DEFB116: variants seen among roughly 807,000 people sequenced by gnomAD.
The protein encoded by DEFB116 is defensin beta 116, also known as beta-defensin 116.
DEFB116 carries 5 observed loss-of-function variants against 2.8 expected under a neutral mutation model. The observed-to-expected ratio is 1.80, with a 90% CI of 0.94 to 3.79. DEFB116 has a LOEUF of 3.79. DEFB116 is among the 30% of genes most tolerant of loss of function. The pLI, the probability that DEFB116 is intolerant of heterozygous loss-of-function variation, is 0.00. For missense variants in DEFB116, 170 were observed against 118.0 expected (o/e 1.44, Z -2.04); for synonymous variants, 56 against 40.8 (o/e 1.37, Z -1.42).
rs769397185 is a variant in DEFB116, at chr20:31,308,469, A to AC, written c.67+49dup. Reference sequence around the variant, plus strand: ...GAGTCACTGCAGAGGTCACCAAGATACCAGTACCACATGCAAGACGCCAGA... The same window carrying AC: ...GAGTCACTGCAGAGGTCACCAAGATACCCAGTACCACATGCAAGACGCCAGA... On this transcript the variant is annotated intron_variant, in intron 1 of 1. Transcript: ENST00000400549. 3.1e-6 allele frequency: 5 copies of AC among 1,590,970 alleles called. No homozygotes were observed. In the Middle Eastern group the frequency reaches 5.0e-4, roughly 159 times the overall value.
chr20:31,304,043 G>A (rs1600468337), intron 1 of DEFB116, among the ~76,000 whole-genome samples: 2 of 152,206 alleles, frequency 1.3e-5, no homozygotes, highest in African/African-American at 4.8e-5. Flanking sequence ...TGCATACACA[G>A]GCAGCATACT....
intron 1 of DEFB116, among the ~76,000 whole-genome samples, chr20:31,306,094 T>A (rs1258315527): frequency 1.3e-5 from 2 of 152,042 alleles, no homozygotes; most frequent in East Asian, 1.9e-4. Context: ...AAAAATTCCA[T>A]CCCAAGCCAA....
At chr20:31,308,463 C>T (rs998461709) in intron 1 of DEFB116, 56 bp downstream of exon 1, 6 of 1,583,728 alleles carry the variant, frequency 3.8e-6, no homozygotes, top group African/African-American at 1.3e-5. Flanking sequence ...CAGAGGTCAC[C>T]AAGATACCAG....
intron 1 of DEFB116, among the ~76,000 whole-genome samples, chr20:31,305,503 T>G (rs1984973236): frequency 6.6e-6 from 1 of 152,140 alleles, no homozygotes; most frequent in African/African-American, 2.4e-5. Flanking sequence ...AATAAAGATT[T>G]TGTCATAGAT....
intron 1 of DEFB116, among the ~76,000 whole-genome samples, chr20:31,305,539 T>G (rs1303701885): frequency 6.6e-6 from 1 of 152,120 alleles, no homozygotes; most frequent in Non-Finnish European, 1.5e-5. Flanking sequence ...CTCCTACAGC[T>G]TTTCTAACCT....
chr20:31,303,674 A>G (rs1458503399), intron 1 of DEFB116, among the ~76,000 whole-genome samples: 1 of 152,164 alleles, frequency 6.6e-6, no homozygotes, highest in African/African-American at 2.4e-5. Context: ...AACAGGCAAA[A>G]TAATAGAGCC....
chr20:31,307,850 C>A (rs190489455), intron 1 of DEFB116, among the ~76,000 whole-genome samples: 1 of 151,972 alleles, frequency 6.6e-6, no homozygotes, highest in East Asian at 1.9e-4. Context: ...ACAACTCAAG[C>A]CCTACCTCTT....
At chr20:31,306,174 A>G (rs940003037) in intron 1 of DEFB116, among the ~76,000 whole-genome samples, 1 of 152,098 alleles carries the variant, frequency 6.6e-6, no homozygotes, top group African/African-American at 2.4e-5. Flanking sequence ...CCAATCTCTA[A>G]GGTTATTTCT....
At chr20:31,304,170 T>G (rs1453031641) in intron 1 of DEFB116, among the ~76,000 whole-genome samples, 4 of 152,092 alleles carry the variant, frequency 2.6e-5, no homozygotes, top group African/African-American at 9.7e-5. Flanking sequence ...CACATATTGC[T>G]AATTGCACCT....
In DEFB116 at chr20:31,304,734, C is replaced by A. The variant is rs146325500; in HGVS notation, c.68-1281G>T. On this transcript the variant is annotated intron_variant, in intron 1 of 1. Transcript: ENST00000400549. ...TCAAGGACCTTTTCAACCATCCCCC[C>A]ACTCCCTCATTCCACACCCATTTAT... Among the ~76,000 whole-genome samples the A allele has an allele frequency of 1.6e-3, 250 of 152,154 alleles. 2 individuals carry two copies. The highest frequency in any genetic ancestry group is 5.8e-3 in the African/African-American group (240 of 41,518).
intron 1 of DEFB116, 28 bp from the exon 2 acceptor site, chr20:31,303,481 T>C (rs758083247): frequency 1.9e-6 from 3 of 1,611,572 alleles, no homozygotes; most frequent in Non-Finnish European, 2.5e-6. Flanking sequence ...ATGTTTAGTT[T>C]CCATGCAGCA....
chr20:31,303,540 T>G, intron 1 of DEFB116, 87 bp from the exon 2 acceptor site: 1 of 1,510,982 alleles, frequency 6.6e-7, no homozygotes, highest in Non-Finnish European at 8.9e-7. Flanking sequence ...GCCCTAAGAC[T>G]ATTAAGGGCA....
chr20:31,306,263 A>G (rs1984988785), intron 1 of DEFB116, among the ~76,000 whole-genome samples: 1 of 152,180 alleles, frequency 6.6e-6, no homozygotes, highest in Admixed American at 6.6e-5. Flanking sequence ...ACTCTATTCA[A>G]CACACTCAGC....
chr20:31,308,422 G>A (rs909826816), intron 1 of DEFB116, 97 bp downstream of exon 1: 22 of 1,213,028 alleles, frequency 1.8e-5, no homozygotes, highest in African/African-American at 1.7e-4. Flanking sequence ...GGCTTTAGGT[G>A]TTGCCCACTA....
At chr20:31,305,663 A>T (rs1038919982) in intron 1 of DEFB116, among the ~76,000 whole-genome samples, 1 of 151,938 alleles carries the variant, frequency 6.6e-6, no homozygotes, top group Non-Finnish European at 1.5e-5. Context: ...ATTTCAGCAT[A>T]GTCTCTGGCC....
At chr20:31,305,742 C>T (rs565502799) in intron 1 of DEFB116, among the ~76,000 whole-genome samples, 5 of 152,060 alleles carry the variant, frequency 3.3e-5, no homozygotes, top group African/African-American at 1.2e-4. Flanking sequence ...GAATGGGAGA[C>T]TTTGCACCAA....
chr20:31,303,419 T>C lies in DEFB116; in HGVS notation c.102A>G (p.Arg34=). ...GLFRSHNGKS[R]EPWNPCELYQ... ...AAAGCTCACATGGATTCCAAGGCTC[T>C]CGGCTCTTGCCATTGTGGGATCTGA... The change falls in exon 2 of 2, where the codon CGA becomes CGG. Residue 34 remains arginine, a synonymous_variant. Transcript: ENST00000400549. The C allele has an allele frequency of 6.2e-7, 1 of 1,613,440 alleles. No individual in the cohort carries two copies. The highest frequency in any genetic ancestry group is 8.5e-7 in the Non-Finnish European group (1 of 1,179,542).
intron 1 of DEFB116, 62 bp from the exon 2 acceptor site, chr20:31,303,515 G>T: frequency 6.3e-7 from 1 of 1,587,740 alleles, no homozygotes. Flanking sequence ...GATGAAGCAT[G>T]ATTTAAAGGA....
At chr20:31,305,507 CATAG>C (rs1984973326) in intron 1 of DEFB116, among the ~76,000 whole-genome samples, 1 of 152,228 alleles carries the variant, frequency 6.6e-6, no homozygotes, top group African/African-American at 2.4e-5. Flanking sequence ...AAGATTTTGT[CATAG>C]ATAGTTACAG....
Sources: gnomAD v4.1 joint callset for allele counts (sites outside exome capture counted in the v4.1 genomes callset) on GRCh38, gnomAD v4.1.1 for gene constraint, MANE v1.5 for transcripts, NCBI Gene and HGNC (gene_info 2026-07-23, HGNC 2026-07-21) for gene names.